Variants in DDB2 observed in about 807,000 individuals in gnomAD.
The protein encoded by DDB2 is damage specific DNA binding protein 2, also known as DNA damage-binding protein 2.
A neutral mutation model predicts 50.5 loss-of-function variants in DDB2; 27 were observed. The ratio of observed to expected loss-of-function variants is 0.53; its 90% CI spans 0.39 to 0.74. DDB2 has a LOEUF of 0.74. DDB2 is among the 30% of genes least tolerant of loss of function. The pLI is 0.00. For synonymous variants in DDB2, 176 were observed against 205.5 expected (o/e 0.86, Z 1.23); for missense variants, 424 against 545.6 (o/e 0.78, Z 2.22).
chr11:47,238,796 C>G lies in DDB2; in HGVS notation c.1235-4C>G. ...GTAAGTCAGACTGGTCTCACTCTTC[C>G]TAGGTTACCACATTCTCATCTGGAG... On this transcript the variant is annotated splice_region_variant and splice_polypyrimidine_tract_variant and intron_variant, in intron 9 of 9. Transcript: ENST00000256996. 1 of 1,613,602 alleles carries G rather than the reference C, an allele frequency of 6.2e-7. No individual in the cohort carries two copies. Among genetic ancestry groups the G allele is most frequent in the Non-Finnish European group, 8.5e-7 (1 of 1,179,838 alleles).
rs61741581 is a variant in DDB2 at position 47,237,866 on chromosome 11, T to C, written c.1053T>C (p.Ile351=). The C allele has an allele frequency of 3.6e-4, 587 of 1,614,074 alleles. No homozygotes were observed. The Middle Eastern group carries it at 5.4e-3, about 15-fold the overall frequency. The part of the protein sequence containing the change: ...KAAWHPRYNL[I]VVGRYPDPNF... ...CCTGGCATCCTCGCTACAACCTCAT[T>C]GTTGTGGGCCGATACCCAGATCCTA... The change falls in exon 8 of 10, where the codon ATT becomes ATC. Residue 351 remains isoleucine, a synonymous_variant. Coordinates refer to ENST00000256996, the MANE Select transcript of DDB2 (RefSeq NM_000107.3).
At chr11:47,231,275 CA>C (rs1953646015) in intron 3 of DDB2, among the ~76,000 whole-genome samples, 3 of 152,076 alleles carry the variant, frequency 2.0e-5, no homozygotes, top group Non-Finnish European at 4.4e-5. Context: ...TAGGAAGGGG[CA>C]CAGATCTGAC....
chr11:47,236,511 G>A (rs556807253), intron 7 of DDB2, among the ~76,000 whole-genome samples: 40 of 152,268 alleles, frequency 2.6e-4, no homozygotes, highest in Admixed American at 1.8e-3. Flanking sequence ...GGTGGGGAGC[G>A]CCAGTTTCCA....
At chr11:47,216,271 G>A (rs752297564) in intron 1 of DDB2, 65 bp from the exon 2 acceptor site, 13 of 1,612,592 alleles carry the variant, frequency 8.1e-6, no homozygotes, top group African/African-American at 5.3e-5. Flanking sequence ...GCTTCCTTTC[G>A]GGGAATTCAG....
At position 47,234,777 on chromosome 11, in the gene DDB2, C is replaced by T. The variant is rs765996055; in HGVS notation, c.723C>T (p.His241=). 6.2e-7 allele frequency: 1 copy of T among 1,614,178 alleles called. No individual in the cohort carries two copies. Among genetic ancestry groups the T allele is most frequent in the East Asian group, 2.2e-5 (1 of 44,884 alleles). ...DGKELWNLRM[H]KKKVTHVALN... The stretch of plus-strand genomic sequence containing the variant: ...TGCAGCTTTGGAATCTCAGAATGCA[C>T]AAAAAGAAAGTGACGCATGTGGCCC... The change falls in exon 6 of 10, where the codon CAC becomes CAT. Residue 241 remains histidine, a synonymous_variant. Coordinates refer to ENST00000256996, the MANE Select transcript of DDB2 (RefSeq NM_000107.3).
chr11:47,238,822 C>T lies in DDB2; in HGVS notation c.1257C>T (p.Ser419=). 6.2e-7 allele frequency: 1 copy of T among 1,613,572 alleles called. No individual in the cohort carries two copies. Among genetic ancestry groups the T allele is most frequent in the South Asian group, 1.1e-5 (1 of 91,076 alleles). Residue 419 remains serine, a synonymous_variant, in exon 10 of 10, where the codon AGC becomes AGT. Coordinates refer to ENST00000256996, the MANE Select transcript of DDB2 (RefSeq NM_000107.3). ...SAMGYHILIW[S]QEEARTRK ...TAGGTTACCACATTCTCATCTGGAG[C>T]CAGGAGGAAGCCAGGACACGGAAGT...
rs759948056 is a variant in DDB2 at position 47,238,790 on chromosome 11, C to T, written c.1235-10C>T. On this transcript the variant is annotated splice_polypyrimidine_tract_variant and intron_variant, in intron 9 of 9. Transcript: ENST00000256996. ...GAAAGTGTAAGTCAGACTGGTCTCACTCTTCCTAGGTTACCACATTCTCAT... is the reference window on the plus strand; with the variant it reads ...GAAAGTGTAAGTCAGACTGGTCTCATTCTTCCTAGGTTACCACATTCTCAT... 6.2e-7 allele frequency: 1 copy of T among 1,613,636 alleles called. No homozygotes were observed.
chr11:47,233,144 GTTA>G, intron 4 of DDB2, 185 bp downstream of exon 4: 4 of 715,950 alleles, frequency 5.6e-6, no homozygotes, highest in Non-Finnish European at 9.8e-6. Flanking sequence ...GTCCAGGTGG[GTTA>G]CTGCTTTGGG....
intron 6 of DDB2, 49 bp downstream of exon 6, chr11:47,234,983 C>A: frequency 6.2e-7 from 1 of 1,600,084 alleles, no homozygotes; most frequent in Non-Finnish European, 8.6e-7. Context: ...CCTGTCTGAC[C>A]ACTGCTGGGG....
intron 3 of DDB2, among the ~76,000 whole-genome samples, chr11:47,225,528 G>A (rs1953546091): frequency 6.6e-6 from 1 of 151,648 alleles, no homozygotes; most frequent in South Asian, 2.1e-4. Flanking sequence ...GGAGGCAGAA[G>A]TTGCAGTGAC....
At chr11:47,231,270 AG>A (rs1953645910) in intron 3 of DDB2, among the ~76,000 whole-genome samples, 3 of 152,166 alleles carry the variant, frequency 2.0e-5, no homozygotes, top group Non-Finnish European at 4.4e-5. Context: ...AAGAATAGGA[AG>A]GGGCACAGAT....
At chr11:47,233,226 G>A (rs1215169678) in intron 4 of DDB2, 3 of 506,554 alleles carry the variant, frequency 5.9e-6, no homozygotes, top group African/African-American at 3.8e-5. Flanking sequence ...ACCCTCACTA[G>A]ATAAGCCAGC....
intron 3 of DDB2, among the ~76,000 whole-genome samples, chr11:47,230,178 T>C (rs950755885): frequency 6.7e-6 from 1 of 148,900 alleles, no homozygotes; most frequent in Non-Finnish European, 1.5e-5. Context: ...CTATAGCCTA[T>C]AGCACCAGCT....
rs1223088852 is a variant in DDB2 at position 47,235,397 on chromosome 11, C to T, written c.1008C>T (p.His336=). The part of the protein sequence containing the change: ...LIPHPHRHFQ[H]LTPIKAAWHP... ...CGCACCCTCACCGTCACTTCCAGCA[C>T]CTCACACCCATCAAGGTGAGTGGCG... The change falls in exon 7 of 10, where the codon CAC becomes CAT. Residue 336 remains histidine, a synonymous_variant. Coordinates refer to ENST00000256996, the MANE Select transcript of DDB2 (RefSeq NM_000107.3). 6 of 1,613,086 alleles carry T rather than the reference C, an allele frequency of 3.7e-6. No homozygotes were observed. The highest frequency in any genetic ancestry group is 4.5e-5 in the East Asian group (2 of 44,872).
intron 4 of DDB2, among the ~76,000 whole-genome samples, chr11:47,234,263 G>C (rs989193847): frequency 7.7e-5 from 11 of 143,098 alleles, no homozygotes; most frequent in Non-Finnish European, 6.3e-5. Flanking sequence ...CCCGGGGTGT[G>C]GGGGGCAGGC....
At chr11:47,221,372 CA>C (rs1953482358) in intron 3 of DDB2, among the ~76,000 whole-genome samples, 1 of 151,224 alleles carries the variant, frequency 6.6e-6, no homozygotes. Flanking sequence ...CTCCTGGGTT[CA>C]AGCTATTCTC....
In DDB2 at chr11:47,216,376, G is replaced by A. The variant is rs1349178487; in HGVS notation, c.168G>A (p.Gly56=). 6.2e-7 allele frequency: 1 copy of A among 1,614,192 alleles called. No homozygotes were observed. The highest frequency in any genetic ancestry group is 8.5e-7 in the Non-Finnish European group (1 of 1,180,036). Reference sequence around the variant, plus strand: ...GTGACTCAGACTGCCTCTGGGTGGGGCTGGCTGGCCCACAGATCCTGCCAC... The same window carrying A: ...GTGACTCAGACTGCCTCTGGGTGGGACTGGCTGGCCCACAGATCCTGCCAC... ...RRCDSDCLWV[G]LAGPQILPPC... Residue 56 remains glycine, a synonymous_variant, in exon 2 of 10, where the codon GGG becomes GGA. Coordinates refer to ENST00000256996, the MANE Select transcript of DDB2 (RefSeq NM_000107.3).
Position 47,234,872 on chromosome 11 carries a change from G to A in DDB2, c.818G>A (p.Arg273His), listed in dbSNP as rs121434640. 16 of 1,614,054 alleles carry A rather than the reference G, an allele frequency of 9.9e-6. No individual in the cohort carries two copies. Among genetic ancestry groups the A allele is most frequent in the East Asian group, 2.2e-5 (1 of 44,900 alleles). ...CAAACAGTGAAAATTTGGGACCTGCGCCAGGTTAGAGGGAAAGCCAGCTTC... is the reference window on the plus strand; with the variant it reads ...CAAACAGTGAAAATTTGGGACCTGCACCAGGTTAGAGGGAAAGCCAGCTTC... ...VDQTVKIWDL[R>H]QVRGKASFLY... Residue 273 changes from arginine (R) to histidine (H), a missense_variant, in exon 6 of 10, where the codon CGC becomes CAC. Coordinates refer to ENST00000256996, the MANE Select transcript of DDB2 (RefSeq NM_000107.3).
chr11:47,215,311 C>A, intron 1 of DDB2, 48 bp downstream of exon 1: 1 of 1,612,192 alleles, frequency 6.2e-7, no homozygotes, highest in Non-Finnish European at 8.5e-7. Context: ...TTAGGGTGCT[C>A]GCGCAGGAGG....
Sources: allele counts gnomAD v4.1 joint callset (sites outside exome capture counted in the v4.1 genomes callset), GRCh38; gene constraint gnomAD v4.1.1; transcripts MANE v1.5; gene names NCBI Gene and HGNC (gene_info 2026-07-23, HGNC 2026-07-21).